Variants in CBFA2T3 observed in about 807,000 individuals in gnomAD.
CBFA2T3 encodes the protein CBFA2/RUNX1 partner transcriptional co-repressor 3.
Under a neutral mutation model 58.6 loss-of-function variants are expected in CBFA2T3, and 31 were observed. The observed-to-expected ratio is 0.53, with a 90% CI of 0.40 to 0.71. The LOEUF (loss-of-function observed/expected upper bound fraction) is 0.71, where lower values mean the gene tolerates loss of function less well. CBFA2T3 is among the 30% of genes least tolerant of loss of function. CBFA2T3 has a pLI of 0.00. For synonymous variants in CBFA2T3, 531 were observed against 421.9 expected, an observed-to-expected ratio of 1.26 and a Z score of -3.17; for missense variants, 1,076 against 963.1, an observed-to-expected ratio of 1.12 and a Z score of -1.55.
intron 1 of CBFA2T3, among the ~76,000 whole-genome samples, chr16:88,929,283 C>T (rs1041829787): frequency 5.9e-5 from 9 of 151,870 alleles, no homozygotes; most frequent in African/African-American, 1.2e-4. Flanking sequence ...CTCAGGCAAA[C>T]GGCATCCATC....
At chr16:88,899,005 C>T (rs551961379) in intron 2 of CBFA2T3, among the ~76,000 whole-genome samples, 3 of 152,066 alleles carry the variant, frequency 2.0e-5, no homozygotes, top group African/African-American at 2.4e-5. Context: ...GCCCTTTAAG[C>T]GTCCTCCCAG....
At chr16:88,924,450 G>C (rs1261999832) in intron 1 of CBFA2T3, among the ~76,000 whole-genome samples, 5 of 152,178 alleles carry the variant, frequency 3.3e-5, no homozygotes, top group Non-Finnish European at 7.4e-5. Context: ...TCTCGGGGGC[G>C]ATGGCTGGGA....
At chr16:88,975,683 G>A (rs551140197) in intron 1 of CBFA2T3, among the ~76,000 whole-genome samples, 32 of 152,398 alleles carry the variant, frequency 2.1e-4, no homozygotes, top group African/African-American at 4.6e-4. Context: ...CCGGGCACCC[G>A]GGGTTGGGAA....
chr16:88,889,464 G>A (rs992508605), intron 5 of CBFA2T3, among the ~76,000 whole-genome samples: 1 of 151,836 alleles, frequency 6.6e-6, no homozygotes, highest in African/African-American at 2.4e-5. Flanking sequence ...TCCCCTTGGG[G>A]AGGGACTGAG....
chr16:88,915,068 G>A (rs1369617361), intron 1 of CBFA2T3, among the ~76,000 whole-genome samples: 2 of 151,574 alleles, frequency 1.3e-5, no homozygotes, highest in Non-Finnish European at 2.9e-5. Flanking sequence ...GGCACCCTGG[G>A]AGTCCTGGGG....
chr16:88,930,213 G>C (rs1261494433), intron 1 of CBFA2T3, among the ~76,000 whole-genome samples: 2 of 148,568 alleles, frequency 1.3e-5, no homozygotes, highest in Non-Finnish European at 2.9e-5. Context: ...CCACGCAAAA[G>C]TCACCAATAC....
intron 1 of CBFA2T3, chr16:88,941,829 G>C (rs1971747219): frequency 6.8e-6 from 1 of 147,306 alleles, no homozygotes; most frequent in Non-Finnish European, 1.5e-5. Context: ...TCTGGCGGCC[G>C]CGCGGGAGGC....
At position 88,953,452 on chromosome 16, in the gene CBFA2T3, C is replaced by A. The variant is rs1972131465; in HGVS notation, c.151+23205G>T. On this transcript the variant is annotated intron_variant, in intron 1 of 11. Coordinates refer to ENST00000268679, the MANE Select transcript of CBFA2T3 (RefSeq NM_005187.6). This position sits in a 1 kb window ranked among gnomAD's most constrained non-coding sequence, Gnocchi z 4.9. ...GGCCAGCATAGCCCTCAAAACGGTT[C>A]CCACAGCTCCCAGCGGAGCCCTCAA... Among the ~76,000 whole-genome samples the A allele has an allele frequency of 6.6e-6, 1 of 151,948 alleles. No individual in the cohort carries two copies. Among genetic ancestry groups the A allele is most frequent in the Non-Finnish European group, 1.5e-5 (1 of 68,012 alleles).
intron 2 of CBFA2T3, 90 bp downstream of exon 2, chr16:88,901,414 T>C: frequency 1.5e-6 from 1 of 647,212 alleles, no homozygotes; most frequent in East Asian, 3.1e-5. Flanking sequence ...AGGTGCCCGC[T>C]GGCTCCGGGC....
Position 88,879,450 on chromosome 16 carries a change from C to A in CBFA2T3, c.1482G>T (p.Val494=). The A allele has an allele frequency of 1.2e-6, 2 of 1,611,276 alleles. No homozygotes were observed. ...EDIWRKAEEA[V]NEVKRQAMSE... The stretch of plus-strand genomic sequence containing the variant: ...ACATGGCCTGCCGCTTCACCTCATT[C>A]ACGGCCTCTTCTGCAAAGGACATGG... The change falls in exon 11 of 12, where the codon GTG becomes GTT. Residue 494 remains valine, a synonymous_variant. Transcript: ENST00000268679.
chr16:88,943,257 G>C (rs1276190980), intron 1 of CBFA2T3, among the ~76,000 whole-genome samples: 2 of 152,254 alleles, frequency 1.3e-5, no homozygotes, highest in African/African-American at 4.8e-5. Flanking sequence ...CAGGGCCTGG[G>C]AGCAGAAGCT....
chr16:88,913,489 G>C (rs1970593284), intron 1 of CBFA2T3, among the ~76,000 whole-genome samples: 1 of 152,244 alleles, frequency 6.6e-6, no homozygotes, highest in Non-Finnish European at 1.5e-5. Context: ...TATCAGAGCT[G>C]CAAGGGACCT....
intron 1 of CBFA2T3, among the ~76,000 whole-genome samples, chr16:88,943,709 A>T (rs964392148): frequency 1.3e-5 from 2 of 152,136 alleles, no homozygotes; most frequent in African/African-American, 4.8e-5. Context: ...CCCATTTTAC[A>T]GGTGGAGAGG....
intron 1 of CBFA2T3, chr16:88,937,769 C>T (rs1306345768): frequency 6.6e-6 from 1 of 152,300 alleles, no homozygotes; most frequent in South Asian, 2.1e-4. Context: ...TCGATCAATA[C>T]TTGCCCAGGG....
chr16:88,912,393 G>A (rs1004555491), intron 1 of CBFA2T3, among the ~76,000 whole-genome samples: 1 of 152,220 alleles, frequency 6.6e-6, no homozygotes. Context: ...GGCCAGCCAC[G>A]CCAGCTGTGC....
chr16:88,893,531 G>C (rs1024191169), intron 3 of CBFA2T3, among the ~76,000 whole-genome samples: 1 of 152,196 alleles, frequency 6.6e-6, no homozygotes, highest in South Asian at 2.1e-4. Flanking sequence ...AGAGGAGCTG[G>C]GACACCCAAG....
Position 88,901,751 on chromosome 16 carries a change from G to A in CBFA2T3, c.152-95C>T, listed in dbSNP as rs1230983820. On this transcript the variant is annotated intron_variant, in intron 1 of 11. Transcript: ENST00000268679. ...CGGTTCCCAGCGAAGGCCCCACTGAGTGTCCGCCCAGCGCTGGGGCAGTCT... is the reference window on the plus strand; with the variant it reads ...CGGTTCCCAGCGAAGGCCCCACTGAATGTCCGCCCAGCGCTGGGGCAGTCT... The A allele has an allele frequency of 4.3e-6, 5 of 1,164,294 alleles. No homozygotes were observed. The South Asian group carries it at 6.5e-5, about 15-fold the overall frequency. The allele number at this position is 1,164,294 out of a possible 1,614,324, so 72.1% of individuals were successfully genotyped here. A position where few individuals can be genotyped will look rare whatever the true frequency, so the allele number is the denominator to read the frequency against.
chr16:88,968,017 C>T (rs994897285), intron 1 of CBFA2T3, among the ~76,000 whole-genome samples: 7 of 152,260 alleles, frequency 4.6e-5, no homozygotes, highest in South Asian at 2.1e-4. Context: ...TCCTTCTTTT[C>T]GCACCATGAC....
chr16:88,879,057 C>T (rs1182613273), intron 11 of CBFA2T3, among the ~76,000 whole-genome samples: 2 of 152,234 alleles, frequency 1.3e-5, no homozygotes, highest in Non-Finnish European at 2.9e-5. Context: ...TCTGGAACTA[C>T]AGAACGGGGA....
Sources: gnomAD v4.1 joint callset for allele counts (sites outside exome capture counted in the v4.1 genomes callset) on GRCh38, gnomAD v4.1.1 for gene constraint, Gnocchi (gnomAD v3.1) non-coding constraint, MANE v1.5 for transcripts, NCBI Gene and HGNC (gene_info 2026-07-23, HGNC 2026-07-21) for gene names.